The following RPS29 variants were observed in gnomAD, a reference collection of about 807,000 sequenced individuals.
The protein encoded by RPS29 is ribosomal protein S29.
For synonymous variants in RPS29, 37 were observed against 26.9 expected (o/e 1.37, Z -1.16); for missense variants, 60 against 75.7 (o/e 0.79, Z 0.77).
At chr14:49,591,911 C>T (rs1418717337) in intron 1 of RPS29, among the ~76,000 whole-genome samples, 5 of 151,504 alleles carry the variant, frequency 3.3e-5, no homozygotes, top group Non-Finnish European at 7.4e-5. Context: ...TGAGCCACCA[C>T]GCCCGGCCCC....
At chr14:49,586,106 C>G in intron 1 of RPS29, 57 bp from the exon 2 acceptor site, 1 of 1,495,080 alleles carries the variant, frequency 6.7e-7, no homozygotes, top group Non-Finnish European at 9.3e-7. Flanking sequence ...ACTCCGCACT[C>G]AGACGGCTAC....
At chr14:49,585,917 C>G (rs1277174725) in intron 2 of RPS29, 33 bp downstream of exon 2, 3 of 1,553,746 alleles carry the variant, frequency 1.9e-6, no homozygotes, top group Admixed American at 1.7e-5. Context: ...CTTCTCTGCC[C>G]AAACAACATG....
rs78140975 is a variant in RPS29, at chr14:49,594,997, C to T, written c.-133+3403G>A. On this transcript the variant is annotated intron_variant, in intron 1 of 3. Transcript: ENST00000556230. ...TTGCCAATAAAAGCTTCCTTTTACC[C>T]TTCCCTCACTGGACGTACTTTTGGC... Among the ~76,000 whole-genome samples the T allele has an allele frequency of 1.1e-3, 166 of 152,262 alleles. 2 individuals carry two copies. In the East Asian group the frequency reaches 0.018, roughly 16 times the overall value.
chr14:49,593,627 A>T (rs763695477), intron 1 of RPS29, among the ~76,000 whole-genome samples: 3 of 138,736 alleles, frequency 2.2e-5, no homozygotes, highest in African/African-American at 7.9e-5. Context: ...TGGGAAGTGG[A>T]AGTTGCAATG....
chr14:49,579,495 A>G (rs1192469455), downstream of RPS29, among the ~76,000 whole-genome samples: 11 of 152,224 alleles, frequency 7.2e-5, no homozygotes, highest in Non-Finnish European at 1.6e-4. Flanking sequence ...TGAGGCCAGG[A>G]GTATAAGACC....
Position 49,586,235 on chromosome 14 carries a change from G to T in RPS29, c.62+50C>A. 3.2e-6 allele frequency: 5 copies of T among 1,580,514 alleles called. No individual in the cohort carries two copies. In the South Asian group the frequency reaches 5.5e-5, roughly 17 times the overall value. On this transcript the variant is annotated intron_variant, in intron 1 of 2. Coordinates refer to ENST00000245458, the MANE Select transcript of RPS29 (RefSeq NM_001032.5). ...CCTCCTCTACTTGAGATTTTAAGCA[G>T]CCTAGCGCTCCACGGCAACGCTTCC...
At chr14:49,581,893 G>A (rs897814809), downstream of RPS29, among the ~76,000 whole-genome samples, 35 of 151,292 alleles carry the variant, frequency 2.3e-4, 1 homozygote, top group African/African-American at 7.8e-4. Flanking sequence ...GCATGGTGGT[G>A]TACACCATGT....
chr14:49,586,633 G>A (rs982143726), upstream of RPS29: 13 of 452,268 alleles, frequency 2.9e-5, no homozygotes, highest in South Asian at 1.8e-4. Context: ...GGCTGAGGCT[G>A]GAGGATCGCT....
At chr14:49,587,371 A>G (rs1881612336), upstream of RPS29, among the ~76,000 whole-genome samples, 1 of 152,272 alleles carries the variant, frequency 6.6e-6, no homozygotes, top group Non-Finnish European at 1.5e-5. Flanking sequence ...CCTACATTCC[A>G]TATGGTCATT....
At chr14:49,587,231 AAAGT>A (rs1214745657), upstream of RPS29, among the ~76,000 whole-genome samples, 3 of 152,266 alleles carry the variant, frequency 2.0e-5, no homozygotes, top group Non-Finnish European at 4.4e-5. Flanking sequence ...GGCTGAATGT[AAAGT>A]AATAAACAAG....
chr14:49,572,323 G>C (rs745846157), exon 3 of RPS29: 1 of 152,208 alleles, frequency 6.6e-6, no homozygotes, highest in Non-Finnish European at 1.5e-5. Context: ...GGACAACCTC[G>C]TTTGGGATCA....
intron 2 of RPS29, among the ~76,000 whole-genome samples, chr14:49,578,165 A>G (rs1216609631): frequency 2.6e-5 from 4 of 152,126 alleles, no homozygotes; most frequent in Non-Finnish European, 4.4e-5. Flanking sequence ...ACACAGAATT[A>G]ATATCAATGA....
At chr14:49,586,196 C>T in intron 1 of RPS29, 89 bp downstream of exon 1, 3 of 1,451,932 alleles carry the variant, frequency 2.1e-6, no homozygotes, top group East Asian at 2.3e-5. Flanking sequence ...CGTGCTCCCT[C>T]GTGCCGCCCG....
intron 1 of RPS29, among the ~76,000 whole-genome samples, chr14:49,592,785 G>A (rs1349402651): frequency 1.3e-5 from 2 of 150,840 alleles, no homozygotes; most frequent in African/African-American, 4.9e-5. Flanking sequence ...GTGCATGCCT[G>A]TAATCCCAGC....
chr14:49,585,454 C>G (rs953894087), intron 2 of RPS29: 3 of 179,234 alleles, frequency 1.7e-5, no homozygotes, highest in African/African-American at 7.1e-5. Context: ...GTGGCAAGAG[C>G]CTTTAGTCCC....
upstream of RPS29, among the ~76,000 whole-genome samples, chr14:49,589,537 G>A (rs760941334): frequency 2.6e-5 from 4 of 152,116 alleles, no homozygotes; most frequent in Non-Finnish European, 5.9e-5. Flanking sequence ...CATCCATCCA[G>A]AATTTAATCA....
At chr14:49,587,124 A>T (rs377721230), upstream of RPS29, among the ~76,000 whole-genome samples, 1 of 152,184 alleles carries the variant, frequency 6.6e-6, no homozygotes, top group Non-Finnish European at 1.5e-5. Flanking sequence ...TTTCAAATTT[A>T]TTTTTTTGAC....
intron 1 of RPS29, chr14:49,592,097 T>C (rs1294357541): frequency 6.6e-6 from 1 of 152,210 alleles, no homozygotes; most frequent in Non-Finnish European, 1.5e-5. Flanking sequence ...TAAATACTTA[T>C]GTATAAGGAA....
At chr14:49,582,012 CA>C (rs58507206), downstream of RPS29, among the ~76,000 whole-genome samples, 3,582 of 106,396 alleles carry the variant, frequency 0.034, 56 homozygotes, top group Non-Finnish European at 0.047. Flanking sequence ...CCCTGCCCCC[CA>C]AAAAAAAAAA....
Sources: gnomAD v4.1 joint callset for allele counts (sites outside exome capture counted in the v4.1 genomes callset) on GRCh38, gnomAD v4.1.1 for gene constraint, MANE v1.5 for transcripts, NCBI Gene and HGNC (gene_info 2026-07-23, HGNC 2026-07-21) for gene names.